The following NR3C1 variants were observed in gnomAD, a reference collection of about 807,000 sequenced individuals.
NR3C1 encodes nuclear receptor subfamily 3 group C member 1.
NR3C1 carries 14 observed loss-of-function variants against 74.0 expected under a neutral mutation model. That is an observed-to-expected ratio of 0.19 (90% CI 0.12 to 0.30). NR3C1 has a LOEUF of 0.30. Among genes scored for constraint, NR3C1 ranks in the 10% least tolerant of loss-of-function variants. The pLI is 1.00. For missense variants in NR3C1, 695 were observed against 909.8 expected (o/e 0.76, Z 3.04); for synonymous variants, 308 against 332.5 (o/e 0.93, Z 0.80).
chr5:143,313,963 C>G, intron 3 of NR3C1, 39 bp downstream of exon 3: 2 of 1,608,162 alleles, frequency 1.2e-6, no homozygotes, highest in Non-Finnish European at 8.5e-7. Flanking sequence ...AAATGAAAAC[C>G]AAGTAGAGGA....
At chr5:143,392,651 T>G (rs547068259) in intron 2 of NR3C1, among the ~76,000 whole-genome samples, 2 of 152,258 alleles carry the variant, frequency 1.3e-5, no homozygotes, top group South Asian at 4.1e-4. Flanking sequence ...GAATAAAAAC[T>G]TTCACAGAGT....
intron 7 of NR3C1, among the ~76,000 whole-genome samples, chr5:143,292,995 TATATACACAAAC>T (rs888974528): frequency 6.6e-6 from 1 of 152,236 alleles, no homozygotes; most frequent in African/African-American, 2.4e-5. Context: ...CCTTGTGGTT[TATATACACAAAC>T]ATATACACAA....
At chr5:143,353,391 A>G (rs1337368767) in intron 2 of NR3C1, among the ~76,000 whole-genome samples, 1 of 152,158 alleles carries the variant, frequency 6.6e-6, no homozygotes. Context: ...AGAATGGCCA[A>G]TCCTTTTCAG....
chr5:143,428,353 T>C (rs1476808602), intron 1 of NR3C1, among the ~76,000 whole-genome samples: 1 of 152,232 alleles, frequency 6.6e-6, no homozygotes, highest in Non-Finnish European at 1.5e-5. Context: ...AATGTTGAAA[T>C]ACTGATCTGC....
chr5:143,333,037 T>C lies in NR3C1; in HGVS notation c.1185-18869A>G, dbSNP rs1826333081. ...GTGATTGAGGAGCACCTGGGGAAGT[T>C]TGGCTTCATTTGCTTGGAAGACCTC... On this transcript the variant is annotated intron_variant, in intron 2 of 8. Transcript: ENST00000394464. 6.9e-6 allele frequency: 11 copies of C among 1,593,628 alleles called. No homozygotes were observed. In the Admixed American group the frequency reaches 1.3e-4, roughly 19 times the overall value.
At chr5:143,413,299 G>C (rs998992878) in intron 1 of NR3C1, among the ~76,000 whole-genome samples, 2 of 152,054 alleles carry the variant, frequency 1.3e-5, no homozygotes, top group Admixed American at 1.3e-4. Flanking sequence ...GGACTGACTT[G>C]AATTATGAAG....
At position 143,354,623 on chromosome 5, in the gene NR3C1, G is replaced by A. The variant is rs555553425; in HGVS notation, c.1185-40455C>T. ...GGTGCCTTATACAGGTGAGGTTTAT[G>A]GTGCCTGAAAACAATTAAAATAGTA... On this transcript the variant is annotated intron_variant, in intron 2 of 8. Coordinates refer to ENST00000394464, the MANE Select transcript of NR3C1 (RefSeq NM_000176.3). 9.9e-5 allele frequency among the ~76,000 whole-genome samples: 15 copies of A among 152,192 alleles called. No individual in the cohort carries two copies. In the South Asian group the frequency reaches 3.1e-3, roughly 32 times the overall value.
intron 2 of NR3C1, among the ~76,000 whole-genome samples, chr5:143,387,929 G>GT (rs2151907255): frequency 6.6e-6 from 1 of 152,244 alleles, no homozygotes; most frequent in East Asian, 1.9e-4. Context: ...GACCTTCTAG[G>GT]TAAGTCAGTA....
At chr5:143,433,579 G>C (rs1341972225) in intron 1 of NR3C1, 1 of 151,370 alleles carries the variant, frequency 6.6e-6, no homozygotes, top group East Asian at 1.9e-4. Flanking sequence ...AGGGGCTTAA[G>C]ATCAGCTAAA....
chr5:143,349,890 G>A (rs552476724), intron 2 of NR3C1, among the ~76,000 whole-genome samples: 2 of 152,112 alleles, frequency 1.3e-5, no homozygotes, highest in Non-Finnish European at 2.9e-5. Context: ...GTACTGAAGA[G>A]GGATATCTAA....
chr5:143,331,869 A>ACCC (rs1216430212), intron 2 of NR3C1, among the ~76,000 whole-genome samples: 2 of 152,096 alleles, frequency 1.3e-5, no homozygotes, highest in Non-Finnish European at 2.9e-5. Context: ...TGTACAGCAA[A>ACCC]CCCCTGTGGC....
At chr5:143,408,771 C>A (rs1170859660) in intron 1 of NR3C1, among the ~76,000 whole-genome samples, 1 of 152,118 alleles carries the variant, frequency 6.6e-6, no homozygotes, top group East Asian at 1.9e-4. Flanking sequence ...TTTTGGAGCA[C>A]TTCAAAATTC....
intron 1 of NR3C1, among the ~76,000 whole-genome samples, chr5:143,431,437 G>A (rs1751816158): frequency 6.6e-6 from 1 of 151,880 alleles, no homozygotes; most frequent in South Asian, 2.1e-4. Context: ...ATAAGTGGGA[G>A]TTGAACAATG....
intron 5 of NR3C1, among the ~76,000 whole-genome samples, chr5:143,299,832 C>T (rs10482682): frequency 0.29 from 43,879 of 152,086 alleles, 7,315 homozygotes; most frequent in Middle Eastern, 0.55. Flanking sequence ...ATTCACACCT[C>T]TTTCCCCCTT....
At position 143,337,671 on chromosome 5, in the gene NR3C1, C is replaced by T. The variant is rs144845372; in HGVS notation, c.1185-23503G>A. On this transcript the variant is annotated intron_variant, in intron 2 of 8. Coordinates refer to ENST00000394464, the MANE Select transcript of NR3C1 (RefSeq NM_000176.3). ...CAGCAATGAATAAACGACAGCTGTA[C>T]ACTACAACATGAATGAATCCTACAA... Among the ~76,000 whole-genome samples the T allele has an allele frequency of 5.5e-3, 832 of 152,200 alleles. 5 individuals are homozygous for T. The highest frequency in any genetic ancestry group is 0.022 in the East Asian group (115 of 5,186).
chr5:143,376,997 C>T (rs1039446416), intron 2 of NR3C1, among the ~76,000 whole-genome samples: 1 of 152,066 alleles, frequency 6.6e-6, no homozygotes, highest in African/African-American at 2.4e-5. Flanking sequence ...GAAGTAGGTG[C>T]TGTGATCTCG....
rs146604947 is a variant in NR3C1 at position 143,390,053 on chromosome 5, T to C, written c.1184+9603A>G. The C allele has an allele frequency of 3.9e-4, 113 of 292,968 alleles. 1 individual carries two copies. The highest frequency in any genetic ancestry group is 2.4e-3 in the African/African-American group (104 of 44,240). 18.1% of individuals were successfully genotyped at this position (292,968 alleles called of 1,614,324 possible). On this transcript the variant is annotated intron_variant, in intron 2 of 8. Coordinates refer to ENST00000394464, the MANE Select transcript of NR3C1 (RefSeq NM_000176.3). ...AAAGAAATTCTAAGAACTTCGGCACTAACAGAATAGTTACAAAATGAATAT... is the reference window on the plus strand; with the variant it reads ...AAAGAAATTCTAAGAACTTCGGCACCAACAGAATAGTTACAAAATGAATAT...
chr5:143,369,489 A>G lies in NR3C1; in HGVS notation c.1184+30167T>C, dbSNP rs76040406. On this transcript the variant is annotated intron_variant, in intron 2 of 8. Coordinates refer to ENST00000394464, the MANE Select transcript of NR3C1 (RefSeq NM_000176.3). Reference sequence around the variant, plus strand: ...GTGGATAGACAAAATATGGTAGTATATCCACATAACAGAATATTACTCAGC... The same window carrying G: ...GTGGATAGACAAAATATGGTAGTATGTCCACATAACAGAATATTACTCAGC... Among the ~76,000 whole-genome samples, 307 of 152,380 alleles carry G rather than the reference A, an allele frequency of 2.0e-3. 1 individual carries two copies. Among genetic ancestry groups the G allele is most frequent in the South Asian group, 4.8e-3 (23 of 4,828 alleles).
chr5:143,412,072 G>A (rs1337517097), intron 1 of NR3C1, among the ~76,000 whole-genome samples: 2 of 152,052 alleles, frequency 1.3e-5, no homozygotes, highest in Non-Finnish European at 2.9e-5. Flanking sequence ...AAGACCTTCT[G>A]GTGAAGAGTA....
Sources: allele counts gnomAD v4.1 joint callset (sites outside exome capture counted in the v4.1 genomes callset), GRCh38; gene constraint gnomAD v4.1.1; transcripts MANE v1.5; gene names NCBI Gene and HGNC (gene_info 2026-07-23, HGNC 2026-07-21).